AAMDC: variants seen among roughly 807,000 people sequenced by gnomAD.
The protein encoded by AAMDC is adipogenesis associated Mth938 domain containing.
In AAMDC, 16 loss-of-function variants were observed where a neutral mutation model predicts 15.5. The observed-to-expected ratio is 1.03, with a 90% CI of 0.70 to 1.57. AAMDC has a LOEUF of 1.57. Among genes scored for constraint, AAMDC ranks in the 40% most tolerant of loss-of-function variants. The probability of loss-of-function intolerance (pLI) is 0.00; values close to 1 mark genes in which losing one functional copy is unlikely to be tolerated. For synonymous variants in AAMDC, 51 were observed against 51.6 expected, an observed-to-expected ratio of 0.99 and a Z score of 0.05; for missense variants, 141 against 144.9, an observed-to-expected ratio of 0.97 and a Z score of 0.14.
chr11:77,859,687 C>G (rs1950792818), intron 2 of AAMDC, among the ~76,000 whole-genome samples: 1 of 152,180 alleles, frequency 6.6e-6, no homozygotes, highest in Non-Finnish European at 1.5e-5. Flanking sequence ...CATCAGTATA[C>G]AAGTTGAGGT....
At chr11:77,827,505 A>G (rs1044224491) in intron 1 of AAMDC, among the ~76,000 whole-genome samples, 2 of 152,250 alleles carry the variant, frequency 1.3e-5, no homozygotes, top group African/African-American at 4.8e-5. Flanking sequence ...ATATATTGTA[A>G]TATATTTACA....
At chr11:77,828,948 G>A (rs1173584259) in intron 1 of AAMDC, among the ~76,000 whole-genome samples, 3 of 152,124 alleles carry the variant, frequency 2.0e-5, no homozygotes, top group Non-Finnish European at 4.4e-5. Flanking sequence ...CAAAGTTGAA[G>A]GACTCACACT....
intron 1 of AAMDC, among the ~76,000 whole-genome samples, chr11:77,834,797 A>T (rs1351707413): frequency 6.6e-6 from 1 of 152,200 alleles, no homozygotes; most frequent in East Asian, 1.9e-4. Flanking sequence ...TAGTATCAAG[A>T]TAAGGAGGTA....
intron 5 of AAMDC, among the ~76,000 whole-genome samples, chr11:77,888,159 C>T (rs1952099579): frequency 6.6e-6 from 1 of 152,188 alleles, no homozygotes. Context: ...CATCATGCTA[C>T]CTGACTTCAA....
At chr11:77,861,661 A>G (rs1432734574) in intron 2 of AAMDC, among the ~76,000 whole-genome samples, 2 of 152,266 alleles carry the variant, frequency 1.3e-5, no homozygotes, top group African/African-American at 4.8e-5. Flanking sequence ...CTATGTGGAC[A>G]ATCTTTTTTA....
Position 77,869,762 on chromosome 11 carries a change from T to C in AAMDC, c.173T>C (p.Val58Ala), listed in dbSNP as rs1302650407. ...CAGCCTGCAGATGTGAAGGAAGTTG[T>C]TGAGAAGGGTGTACAGACTCTTGTG... ...GVQPADVKEV[V>A]EKGVQTLVIG... Residue 58 changes from valine (V) to alanine (A), a missense_variant, in exon 3 of 4, where the codon GTT (valine) becomes GCT (alanine). By Grantham distance (64) the Val-to-Ala change is moderately conservative (BLOSUM62 0). Coordinates refer to ENST00000393427, the MANE Select transcript of AAMDC (RefSeq NM_024684.4). 6.2e-7 allele frequency: 1 copy of C among 1,613,986 alleles called. No individual in the cohort carries two copies. The highest frequency in any genetic ancestry group is 1.7e-5 in the Admixed American group (1 of 60,006).
intron 2 of AAMDC, among the ~76,000 whole-genome samples, chr11:77,844,456 G>A (rs999755250): frequency 2.6e-5 from 4 of 151,968 alleles, no homozygotes; most frequent in African/African-American, 7.3e-5. Context: ...TACACCACCT[G>A]GGTGAAAGGG....
At chr11:77,827,359 T>C (rs1332215941) in intron 1 of AAMDC, among the ~76,000 whole-genome samples, 2 of 152,184 alleles carry the variant, frequency 1.3e-5, no homozygotes, top group African/African-American at 4.8e-5. Context: ...CAATACCTCA[T>C]GTGAATCTAG....
chr11:77,863,574 A>C (rs1950977800), intron 2 of AAMDC, among the ~76,000 whole-genome samples: 1 of 152,124 alleles, frequency 6.6e-6, no homozygotes, highest in South Asian at 2.1e-4. Flanking sequence ...ATTTTAGTAG[A>C]GACAGGGTTT....
At chr11:77,855,471 C>A in intron 2 of AAMDC, 1 of 195,960 alleles carries the variant, frequency 5.1e-6, no homozygotes, top group South Asian at 7.7e-5. Flanking sequence ...AGGTGCCTGC[C>A]ACCACACCCA....
At chr11:77,860,612 G>A (rs1230422991) in intron 2 of AAMDC, among the ~76,000 whole-genome samples, 1 of 152,232 alleles carries the variant, frequency 6.6e-6, no homozygotes, top group African/African-American at 2.4e-5. Context: ...GTGTCCAGGT[G>A]TGAGAACTGG....
intron 5 of AAMDC, among the ~76,000 whole-genome samples, chr11:77,893,622 G>A (rs1409613589): frequency 6.6e-6 from 1 of 152,080 alleles, no homozygotes; most frequent in Non-Finnish European, 1.5e-5. Context: ...AGACACGGCG[G>A]TGGCTCACGC....
At position 77,821,214 on chromosome 11, in the gene AAMDC, A is replaced by C. The variant is rs1162959643; in HGVS notation, c.-46A>C. The C allele has an allele frequency of 3.5e-6, 1 of 288,992 alleles. No individual in the cohort carries two copies. Among genetic ancestry groups the C allele is most frequent in the Admixed American group, 5.0e-5 (1 of 20,042 alleles). The allele number at this position is 288,992 out of a possible 1,614,324, so 17.9% of individuals were successfully genotyped here. ...GGGCAGAGCACTGCGCCGTTTGGGA[A>C]CGCAACTTTGAGGAGACAGTGCGGT... is the stretch of plus-strand genomic sequence containing the variant. On this transcript the variant is annotated 5_prime_UTR_variant, in exon 1 of 4. Transcript: ENST00000393427.
At chr11:77,844,333 G>A (rs188986432) in intron 2 of AAMDC, among the ~76,000 whole-genome samples, 2 of 152,148 alleles carry the variant, frequency 1.3e-5, no homozygotes, top group Non-Finnish European at 1.5e-5. Context: ...TAAGTCCATT[G>A]CAGCAAATTT....
At chr11:77,887,257 G>T (rs546733694) in intron 5 of AAMDC, among the ~76,000 whole-genome samples, 2 of 152,152 alleles carry the variant, frequency 1.3e-5, no homozygotes, top group African/African-American at 4.8e-5. Flanking sequence ...GGGATGCAAG[G>T]CTGGTTCAAC....
chr11:77,862,107 G>A (rs920305844), intron 2 of AAMDC, among the ~76,000 whole-genome samples: 2 of 152,098 alleles, frequency 1.3e-5, no homozygotes, highest in Non-Finnish European at 2.9e-5. Context: ...CTTCTAGCAC[G>A]CAAGGTAGCA....
At position 77,855,210 on chromosome 11, in the gene AAMDC, A is replaced by T. The variant is rs955294291; in HGVS notation, c.132+12582A>T. The T allele has an allele frequency of 2.0e-5, 3 of 152,214 alleles. No homozygotes were observed. In the East Asian group the frequency reaches 5.8e-4, roughly 29 times the overall value. 9.4% of individuals were successfully genotyped at this position (152,214 alleles called of 1,614,324 possible). A position where few individuals can be genotyped will look rare whatever the true frequency, so the allele number is the denominator to read the frequency against. ...GAGGAGCTACTGTGAAGGTCTCTGA[A>T]ATTCCTTCCAGGAATTTTCTCCATT... On this transcript the variant is annotated intron_variant, in intron 2 of 3. Transcript: ENST00000393427.
intron 2 of AAMDC, among the ~76,000 whole-genome samples, chr11:77,848,128 G>T (rs1400647413): frequency 1.3e-5 from 2 of 152,052 alleles, no homozygotes; most frequent in East Asian, 1.9e-4. Flanking sequence ...TATTTAATTT[G>T]GGCAGTCTGT....
intron 1 of AAMDC, among the ~76,000 whole-genome samples, chr11:77,834,446 T>TTG: frequency 6.8e-6 from 1 of 147,610 alleles, no homozygotes; most frequent in Admixed American, 6.7e-5. Context: ...ATTTTGTTTT[T>TTG]TTTTTTTTTT....
Sources: gnomAD v4.1 joint callset for allele counts (sites outside exome capture counted in the v4.1 genomes callset) on GRCh38, gnomAD v4.1.1 for gene constraint, MANE v1.5 for transcripts, NCBI Gene and HGNC (gene_info 2026-07-23, HGNC 2026-07-21) for gene names.